The following PLCB1 variants were observed in gnomAD, a reference collection of about 807,000 sequenced individuals.
PLCB1 encodes phospholipase C beta 1.
A neutral mutation model predicts 161.8 loss-of-function variants in PLCB1; 46 were observed. That is an observed-to-expected ratio of 0.28 (90% CI 0.22 to 0.36). PLCB1 has a LOEUF of 0.36. Ranked by LOEUF, PLCB1 falls within the 10% of genes least tolerant of loss-of-function variation. PLCB1 has a pLI of 1.00. For synonymous variants in PLCB1, 517 were observed against 503.7 expected, an observed-to-expected ratio of 1.03 and a Z score of -0.35; for missense variants, 1,016 against 1,472.5, an observed-to-expected ratio of 0.69 and a Z score of 5.07.
At chr20:8,754,559 A>G (rs1377363569) in intron 23 of PLCB1, among the ~76,000 whole-genome samples, 1 of 152,168 alleles carries the variant, frequency 6.6e-6, no homozygotes, top group Non-Finnish European at 1.5e-5. Flanking sequence ...ACATGGTTTT[A>G]GAAACCAACT....
At chr20:8,521,665 G>T (rs1314141504) in intron 3 of PLCB1, among the ~76,000 whole-genome samples, 1 of 152,066 alleles carries the variant, frequency 6.6e-6, no homozygotes, top group Non-Finnish European at 1.5e-5. Flanking sequence ...GATGGAGTGA[G>T]ACTGCCTAAA....
At chr20:8,539,180 A>C (rs946496704) in intron 3 of PLCB1, among the ~76,000 whole-genome samples, 4 of 152,228 alleles carry the variant, frequency 2.6e-5, no homozygotes, top group African/African-American at 9.6e-5. Context: ...TCATAGCTGT[A>C]GAATAAATGG....
At chr20:8,869,846 G>A (rs60461345) in intron 31 of PLCB1, among the ~76,000 whole-genome samples, 7,447 of 152,188 alleles carry the variant, frequency 0.049, 297 homozygotes, top group African/African-American at 0.11. Flanking sequence ...GGTATCAGTT[G>A]GATGTTGATG....
intron 3 of PLCB1, among the ~76,000 whole-genome samples, chr20:8,536,318 A>C (rs1985049223): frequency 6.6e-6 from 1 of 152,152 alleles, no homozygotes; most frequent in African/African-American, 2.4e-5. Flanking sequence ...GCGCCGGATG[A>C]GTTTGTTGTG....
At chr20:8,854,974 G>A (rs1280832776) in intron 31 of PLCB1, among the ~76,000 whole-genome samples, 2 of 152,136 alleles carry the variant, frequency 1.3e-5, no homozygotes, top group Non-Finnish European at 2.9e-5. Flanking sequence ...TTGATATGTA[G>A]GAAAAGTTTA....
At chr20:8,493,240 C>T (rs1054053376) in intron 3 of PLCB1, among the ~76,000 whole-genome samples, 3 of 152,086 alleles carry the variant, frequency 2.0e-5, no homozygotes, top group South Asian at 2.1e-4. Flanking sequence ...CATTTCTGGT[C>T]ATCAAGGGCA....
chr20:8,281,544 G>A (rs531507944), intron 2 of PLCB1, among the ~76,000 whole-genome samples: 2 of 151,770 alleles, frequency 1.3e-5, no homozygotes, highest in Non-Finnish European at 2.9e-5. Flanking sequence ...AAAGAACAAC[G>A]ATCTATATAA....
intron 2 of PLCB1, among the ~76,000 whole-genome samples, chr20:8,192,104 C>T (rs1178793430): frequency 1.3e-5 from 2 of 151,920 alleles, no homozygotes; most frequent in Non-Finnish European, 2.9e-5. Context: ...ATAGACAAGG[C>T]ATACTATTTG....
At chr20:8,648,036 C>T in intron 6 of PLCB1, 83 bp downstream of exon 6, 3 of 1,040,040 alleles carry the variant, frequency 2.9e-6, no homozygotes, top group East Asian at 5.0e-5. Flanking sequence ...TTTGTTTCTC[C>T]AGCAGCCTAA....
chr20:8,576,805 C>A (rs1986684923), intron 3 of PLCB1, among the ~76,000 whole-genome samples: 1 of 152,108 alleles, frequency 6.6e-6, no homozygotes, highest in Admixed American at 6.6e-5. Flanking sequence ...GATATTAAAA[C>A]ATAATATTTT....
chr20:8,350,676 C>T (rs1986153366), intron 2 of PLCB1, among the ~76,000 whole-genome samples: 1 of 152,092 alleles, frequency 6.6e-6, no homozygotes. Context: ...CAATGTCTTC[C>T]ACAATGGTTG....
intron 27 of PLCB1, among the ~76,000 whole-genome samples, chr20:8,775,752 A>C (rs548366365): frequency 5.3e-5 from 8 of 152,330 alleles, no homozygotes; most frequent in Admixed American, 2.6e-4. Flanking sequence ...GCTTGTTAGA[A>C]GAGATTTTTA....
intron 27 of PLCB1, among the ~76,000 whole-genome samples, chr20:8,780,070 A>C (rs1052584180): frequency 6.6e-6 from 1 of 152,240 alleles, no homozygotes; most frequent in Admixed American, 6.5e-5. Flanking sequence ...GAAGAACTAC[A>C]GGGTCAGGGA....
intron 12 of PLCB1, among the ~76,000 whole-genome samples, chr20:8,714,824 T>G (rs6077412): frequency 6.6e-6 from 1 of 151,816 alleles, no homozygotes; most frequent in African/African-American, 2.4e-5. Flanking sequence ...GAGAACTCAC[T>G]TTCCACCCAA....
At chr20:8,538,844 A>G (rs1485067929) in intron 3 of PLCB1, among the ~76,000 whole-genome samples, 1 of 147,416 alleles carries the variant, frequency 6.8e-6, no homozygotes, top group Non-Finnish European at 1.5e-5. Context: ...CCCAGGCTGG[A>G]GTGCAATGGT....
intron 2 of PLCB1, among the ~76,000 whole-genome samples, chr20:8,210,355 T>C (rs2123142982): frequency 6.6e-6 from 1 of 152,254 alleles, no homozygotes; most frequent in South Asian, 2.1e-4. Context: ...ACTCCTAAGT[T>C]ATATGCCAAA....
intron 3 of PLCB1, among the ~76,000 whole-genome samples, chr20:8,573,468 A>G (rs944612025): frequency 1.8e-4 from 28 of 152,218 alleles, no homozygotes; most frequent in Admixed American, 2.6e-4. Context: ...GCTGCATACT[A>G]TTCCATTCTC....
chr20:8,446,529 A>G (rs1246372182), intron 3 of PLCB1, among the ~76,000 whole-genome samples: 1 of 152,204 alleles, frequency 6.6e-6, no homozygotes. Flanking sequence ...CACCACTCCT[A>G]TTCAACATAG....
intron 2 of PLCB1, among the ~76,000 whole-genome samples, chr20:8,247,387 G>A (rs2123215849): frequency 6.6e-6 from 1 of 151,866 alleles, no homozygotes; most frequent in African/African-American, 2.4e-5. Context: ...CTTCTTGAAG[G>A]CCTAGTGACA....
Sources: gnomAD v4.1 joint callset for allele counts (sites outside exome capture counted in the v4.1 genomes callset) on GRCh38, gnomAD v4.1.1 for gene constraint, MANE v1.5 for transcripts, NCBI Gene and HGNC (gene_info 2026-07-23, HGNC 2026-07-21) for gene names.